Variants in FANCD2 observed in about 807,000 individuals in gnomAD.
FANCD2 encodes Fanconi anemia group D2 protein.
A neutral mutation model predicts 192.3 loss-of-function variants in FANCD2; 131 were observed. The ratio of observed to expected loss-of-function variants is 0.68; its 90% CI spans 0.59 to 0.79. FANCD2 has a LOEUF of 0.79. Ranked by LOEUF, FANCD2 falls within the 30% of genes least tolerant of loss-of-function variation. The pLI is 0.00. For missense variants in FANCD2, 1,508 were observed against 1,701.6 expected (o/e 0.89, Z 2.00); for synonymous variants, 524 against 612.5 (o/e 0.86, Z 2.13).
At chr3:10,061,565 A>G (rs1039393070) in intron 19 of FANCD2, among the ~76,000 whole-genome samples, 12 of 152,192 alleles carry the variant, frequency 7.9e-5, no homozygotes, top group African/African-American at 2.7e-4. Flanking sequence ...TAATAATAGG[A>G]TTTACCTCAT....
Position 10,088,471 on chromosome 3 carries a change from C to T in FANCD2, c.3489C>T (p.Leu1163=). The T allele has an allele frequency of 6.2e-7, 1 of 1,610,626 alleles. No individual in the cohort carries two copies. The highest frequency in any genetic ancestry group is 1.1e-5 in the South Asian group (1 of 91,002). ...EKIASLARQF[L]CRVWPSGDKE... ...CAGCTTCCCTTGCCAGACAATTCCT[C>T]TGTCGGGTGTGGCCAAGTGGGGATA... Residue 1163 remains leucine (L), a synonymous_variant, in exon 35 of 44, where the codon CTC becomes CTT. Transcript: ENST00000675286.
rs569816788 is a variant in FANCD2, at chr3:10,043,776, C to T, written c.1099-53C>T. On this transcript the variant is annotated intron_variant, in intron 13 of 43. Coordinates refer to ENST00000675286, the MANE Select transcript of FANCD2 (RefSeq NM_001018115.3). ...ACAGGGCATGCTGAATAAGGTGTAA[C>T]GTGTTTCGCTGATGTGTCATAATAT... 1.3e-4 allele frequency: 197 copies of T among 1,523,178 alleles called. No homozygotes were observed. The African/African-American group carries it at 1.6e-3, about 12-fold the overall frequency. The allele number at this position is 1,523,178 out of a possible 1,614,324, so 94.4% of individuals were successfully genotyped here.
At chr3:10,078,643 C>T (rs577916564) in intron 30 of FANCD2, among the ~76,000 whole-genome samples, 264 of 151,426 alleles carry the variant, frequency 1.7e-3, no homozygotes, top group African/African-American at 5.4e-3. Context: ...CATGAGCCAC[C>T]GCGCCCGGCC....
intron 9 of FANCD2, 58 bp downstream of exon 9, chr3:10,039,903 G>A: frequency 6.2e-7 from 1 of 1,605,720 alleles, no homozygotes; most frequent in Non-Finnish European, 8.5e-7. Context: ...TTCTATCACT[G>A]CAGTATGCAA....
chr3:10,084,925 G>A (rs1273756962), intron 32 of FANCD2, among the ~76,000 whole-genome samples: 1 of 151,942 alleles, frequency 6.6e-6, no homozygotes, highest in Admixed American at 6.6e-5. Context: ...GATTGAAAAG[G>A]GATGCAAAAA....
intron 1 of FANCD2, among the ~76,000 whole-genome samples, chr3:10,027,730 C>T (rs549676773): frequency 6.6e-6 from 1 of 150,878 alleles, no homozygotes; most frequent in East Asian, 2.0e-4. Context: ...ACGGTGAAAC[C>T]CCGTCTCTAC....
intron 2 of FANCD2, among the ~76,000 whole-genome samples, chr3:10,030,333 G>A (rs990171840): frequency 2.6e-5 from 4 of 151,754 alleles, no homozygotes; most frequent in Middle Eastern, 3.2e-3. Flanking sequence ...CTGACCTCCG[G>A]TAATCCACCC....
chr3:10,054,919 T>C (rs1426396861), intron 18 of FANCD2, among the ~76,000 whole-genome samples: 1 of 151,102 alleles, frequency 6.6e-6, no homozygotes, highest in Non-Finnish European at 1.5e-5. Context: ...TATAGAAGAG[T>C]ATTCAGTGAA....
At chr3:10,080,131 T>A (rs9833504) in intron 30 of FANCD2, among the ~76,000 whole-genome samples, 9 of 152,162 alleles carry the variant, frequency 5.9e-5, no homozygotes, top group South Asian at 2.1e-4. Flanking sequence ...GCCAGGATTG[T>A]CTTGATCTCT....
intron 32 of FANCD2, among the ~76,000 whole-genome samples, chr3:10,085,030 A>C (rs555417460): frequency 6.6e-6 from 1 of 152,240 alleles, no homozygotes; most frequent in Admixed American, 6.5e-5. Flanking sequence ...GGACAATATG[A>C]AAGGTAATCC....
intron 18 of FANCD2, among the ~76,000 whole-genome samples, chr3:10,056,415 T>C (rs2087414476): frequency 1.3e-5 from 2 of 152,204 alleles, no homozygotes; most frequent in African/African-American, 4.8e-5. Context: ...CCATAGCAGC[T>C]GCATAATTTT....
chr3:10,054,378 CATATATATAT>C (rs1559383073), intron 18 of FANCD2, among the ~76,000 whole-genome samples: 5 of 94,698 alleles, frequency 5.3e-5, no homozygotes, highest in African/African-American at 2.4e-4. Context: ...CGTGTATATA[CATATATATAT>C]GTATATACGT....
intron 26 of FANCD2, among the ~76,000 whole-genome samples, chr3:10,070,156 G>A (rs184194287): frequency 4.7e-4 from 68 of 145,810 alleles, no homozygotes; most frequent in African/African-American, 1.5e-3. Context: ...CGGCTGCCCC[G>A]TATGAGAAGT....
At chr3:10,062,779 G>A (rs1373009236) in intron 20 of FANCD2, among the ~76,000 whole-genome samples, 2 of 151,302 alleles carry the variant, frequency 1.3e-5, no homozygotes, top group African/African-American at 4.9e-5. Context: ...GGTGCTTCCC[G>A]GGTTCAAGCA....
intron 26 of FANCD2, among the ~76,000 whole-genome samples, chr3:10,067,961 T>A (rs1280660898): frequency 6.6e-6 from 1 of 152,152 alleles, no homozygotes; most frequent in African/African-American, 2.4e-5. Context: ...AAAAATTTTA[T>A]AAAATTCAAC....
At chr3:10,095,649 G>A (rs1373518708) in intron 41 of FANCD2, among the ~76,000 whole-genome samples, 2 of 152,192 alleles carry the variant, frequency 1.3e-5, no homozygotes, top group African/African-American at 2.4e-5. Context: ...GCTTTCATCT[G>A]TGCCACTTAC....
intron 32 of FANCD2, among the ~76,000 whole-genome samples, chr3:10,082,891 A>G (rs1693931832): frequency 6.6e-6 from 1 of 152,076 alleles, no homozygotes; most frequent in South Asian, 2.1e-4. Context: ...CCTGACAAAA[A>G]CTTTGAACAA....
chr3:10,094,389 G>T (rs35678855), intron 40 of FANCD2, 26 bp downstream of exon 40: 3 of 1,583,906 alleles, frequency 1.9e-6, no homozygotes, highest in African/African-American at 1.3e-5. Context: ...AGAGAACAAA[G>T]ATATGCACTG....
At chr3:10,049,616 A>T (rs1351853434) in intron 17 of FANCD2, 111 bp downstream of exon 17, 1 of 1,061,172 alleles carries the variant, frequency 9.4e-7, no homozygotes, top group Non-Finnish European at 1.4e-6. Flanking sequence ...TGACTATTCT[A>T]TCTATGTGTT....
Sources: gnomAD v4.1 joint callset for allele counts (sites outside exome capture counted in the v4.1 genomes callset) on GRCh38, gnomAD v4.1.1 for gene constraint, MANE v1.5 for transcripts, NCBI Gene and HGNC (gene_info 2026-07-23, HGNC 2026-07-21) for gene names.